The following HMMR variants were observed in gnomAD, a reference collection of about 807,000 sequenced individuals.
HMMR encodes the protein intracellular hyaluronic acid-binding protein.
A neutral mutation model predicts 101.0 loss-of-function variants in HMMR; 108 were observed. The observed-to-expected ratio is 1.07, with a 90% CI of 0.92 to 1.25. HMMR has a LOEUF of 1.25. Among genes scored for constraint, HMMR ranks in the 50% most tolerant of loss-of-function variants. The pLI is 0.00. For missense variants in HMMR, 813 were observed against 788.7 expected, an observed-to-expected ratio of 1.03 and a Z score of -0.37; for synonymous variants, 296 against 276.4, an observed-to-expected ratio of 1.07 and a Z score of -0.70.
chr5:163,461,428 G>T (rs1758528931), intron 1 of HMMR, among the ~76,000 whole-genome samples: 1 of 152,122 alleles, frequency 6.6e-6, no homozygotes, highest in African/African-American at 2.4e-5. Context: ...CCCATCGTGT[G>T]CTCTTAACAC....
At chr5:163,489,463 T>A (rs1239149010) in intron 16 of HMMR, 1 of 152,250 alleles carries the variant, frequency 6.6e-6, no homozygotes, top group Admixed American at 6.5e-5. Context: ...CCCGACAATA[T>A]CCCTGAGCCA....
chr5:163,481,397 T>C (rs1426613220), intron 12 of HMMR, among the ~76,000 whole-genome samples: 1 of 152,106 alleles, frequency 6.6e-6, no homozygotes, highest in Non-Finnish European at 1.5e-5. Context: ...GGGGTTTTTA[T>C]CTATTCTGTG....
chr5:163,490,977 A>G, intron 17 of HMMR, 135 bp from the exon 18 acceptor site: 1 of 489,328 alleles, frequency 2.0e-6, no homozygotes. Flanking sequence ...TGAAATGATA[A>G]ATCTAAAAAT....
intron 11 of HMMR, among the ~76,000 whole-genome samples, 158 bp from the exon 12 acceptor site, chr5:163,478,526 G>A (rs997382400): frequency 1.1e-4 from 17 of 152,174 alleles, no homozygotes; most frequent in African/African-American, 2.2e-4. Flanking sequence ...ACATGCTTTC[G>A]AGGTAAGTCA....
intron 3 of HMMR, among the ~76,000 whole-genome samples, chr5:163,465,673 G>A (rs1758680067): frequency 6.6e-6 from 1 of 152,070 alleles, no homozygotes; most frequent in Non-Finnish European, 1.5e-5. Flanking sequence ...TTAAAAGACA[G>A]CTGGGGGGCG....
chr5:163,485,375 A>C (rs1282596589), intron 16 of HMMR, among the ~76,000 whole-genome samples: 3 of 152,186 alleles, frequency 2.0e-5, no homozygotes, highest in African/African-American at 7.2e-5. Flanking sequence ...TAGCCATTGT[A>C]GTGGGTATGA....
rs374016298 is a variant in HMMR, at chr5:163,463,895, T to C, written c.86T>C (p.Leu29Ser). ...CCAGGTGCTTATGATGTTAAAACTT[T>C]AGAAGTATTGAAAGGACCAGTATCC... ...PSPGAYDVKT[L>S]EVLKGPVSFQ... The change falls in exon 2 of 18, where the codon TTA (leucine) becomes TCA (serine). Residue 29 changes from leucine (L) to serine (S), a missense_variant. Coordinates refer to ENST00000393915, the MANE Select transcript of HMMR (RefSeq NM_001142556.2). 6.4e-5 allele frequency: 96 copies of C among 1,498,434 alleles called. No homozygotes were observed. The highest frequency in any genetic ancestry group is 8.5e-5 in the Non-Finnish European group (95 of 1,122,926). 92.8% of individuals were successfully genotyped at this position (1,498,434 alleles called of 1,614,324 possible).
At position 163,491,183 on chromosome 5, in the gene HMMR, G is replaced by T; in HGVS notation, c.*19G>T. ...GAAGTAAACATCTGAGAAACCTGTT[G>T]AAGATTATTTCATTCGTCTTGTTGT... On this transcript the variant is annotated 3_prime_UTR_variant, in exon 18 of 18. Transcript: ENST00000393915. 7.0e-7 allele frequency: 1 copy of T among 1,420,178 alleles called. No individual in the cohort carries two copies. The allele number at this position is 1,420,178 out of a possible 1,614,324, so 88.0% of individuals were successfully genotyped here.
chr5:163,470,439 A>G (rs1404577604), intron 5 of HMMR, among the ~76,000 whole-genome samples: 1 of 152,086 alleles, frequency 6.6e-6, no homozygotes, highest in Non-Finnish European at 1.5e-5. Context: ...CTAGCCTAAC[A>G]TGGCGAAACC....
chr5:163,488,017 G>A (rs569590211), intron 16 of HMMR, among the ~76,000 whole-genome samples: 73 of 151,956 alleles, frequency 4.8e-4, no homozygotes, highest in African/African-American at 1.6e-3. Flanking sequence ...CACCACATCC[G>A]GCTAATTTTT....
chr5:163,482,240 C>G (rs1759293816), intron 12 of HMMR, among the ~76,000 whole-genome samples: 1 of 152,160 alleles, frequency 6.6e-6, no homozygotes, highest in African/African-American at 2.4e-5. Context: ...TTAATGGTTC[C>G]CGTCTGTCCG....
intron 16 of HMMR, among the ~76,000 whole-genome samples, chr5:163,488,084 G>A (rs1346709616): frequency 6.6e-6 from 1 of 152,116 alleles, no homozygotes; most frequent in Non-Finnish European, 1.5e-5. Flanking sequence ...TGGAGCTCCT[G>A]GGCTCAAGGA....
chr5:163,465,121 T>C (rs1007788327), intron 3 of HMMR: 2 of 242,534 alleles, frequency 8.2e-6, no homozygotes, highest in African/African-American at 4.5e-5. Context: ...TTGAGTTGTT[T>C]TGTTTTTGTG....
At chr5:163,487,374 TCTTTG>T (rs1009694819) in intron 16 of HMMR, among the ~76,000 whole-genome samples, 4 of 152,150 alleles carry the variant, frequency 2.6e-5, no homozygotes, top group Non-Finnish European at 5.9e-5. Flanking sequence ...CTGTAGGTTT[TCTTTG>T]CTTTGTTTTT....
chr5:163,469,296 G>A (rs1758795334), intron 4 of HMMR, among the ~76,000 whole-genome samples: 1 of 151,336 alleles, frequency 6.6e-6, no homozygotes. Context: ...CCCAGGAGGC[G>A]GAGCTTGCAG....
Position 163,488,850 on chromosome 5 carries a change from C to T in HMMR, c.1963-1540C>T, listed in dbSNP as rs182138130. ...TATTTATTCTGACTACAGAAGGGCTCGTCCCAGCTGTCATATTCCCTAGTT... is the reference window on the plus strand; with the variant it reads ...TATTTATTCTGACTACAGAAGGGCTTGTCCCAGCTGTCATATTCCCTAGTT... On this transcript the variant is annotated intron_variant, in intron 16 of 17. Coordinates refer to ENST00000393915, the MANE Select transcript of HMMR (RefSeq NM_001142556.2). Among the ~76,000 whole-genome samples the T allele has an allele frequency of 1.6e-3, 237 of 152,306 alleles. 2 individuals carry two copies. The highest frequency in any genetic ancestry group is 2.1e-3 in the Non-Finnish European group (142 of 68,026).
At chr5:163,490,745 T>A (rs1759666057) in intron 17 of HMMR, among the ~76,000 whole-genome samples, 193 bp downstream of exon 17, 1 of 152,230 alleles carries the variant, frequency 6.6e-6, no homozygotes, top group African/African-American at 2.4e-5. Context: ...ATACCTGGAT[T>A]CTGCCTGTTC....
chr5:163,473,031 G>T, intron 7 of HMMR, 148 bp from the exon 8 acceptor site: 1 of 478,726 alleles, frequency 2.1e-6, no homozygotes. Flanking sequence ...TGTAAATTGT[G>T]AATTTGAGAA....
intron 7 of HMMR, 108 bp downstream of exon 7, chr5:163,471,571 C>CCTG: frequency 1.5e-6 from 1 of 669,878 alleles, no homozygotes; most frequent in South Asian, 1.9e-5. Context: ...TAGTACTTAT[C>CCTG]TCATTGCCTC....
Sources: allele counts gnomAD v4.1 joint callset (sites outside exome capture counted in the v4.1 genomes callset), GRCh38; gene constraint gnomAD v4.1.1; transcripts MANE v1.5; gene names NCBI Gene and HGNC (gene_info 2026-07-23, HGNC 2026-07-21).